The following TESC variants were observed in gnomAD, a reference collection of about 807,000 sequenced individuals.
The protein encoded by TESC is tescalcin, also known as calcineurin B homologous protein 3.
TESC carries 19 observed loss-of-function variants against 31.0 expected under a neutral mutation model. The ratio of observed to expected loss-of-function variants is 0.61; its 90% confidence interval spans 0.43 to 0.90. The LOEUF (loss-of-function observed/expected upper bound fraction) is 0.90, where lower values mean the gene tolerates loss of function less well. TESC is among the 40% of genes least tolerant of loss of function. The pLI, the probability that TESC is intolerant of heterozygous loss-of-function variation, is 0.00. For missense variants in TESC, 248 were observed against 303.8 expected, an observed-to-expected ratio of 0.82 and a Z score of 1.36; for synonymous variants, 109 against 114.8, an observed-to-expected ratio of 0.95 and a Z score of 0.32.
chr12:117,056,765 A>G, intron 3 of TESC, 41 bp downstream of exon 3: 7 of 1,590,926 alleles, frequency 4.4e-6, no homozygotes, highest in Non-Finnish European at 6.0e-6. Context: ...ACACAAGACA[A>G]GGGTGCCTGC....
At chr12:117,053,704 C>T (rs1477039122) in intron 3 of TESC, among the ~76,000 whole-genome samples, 1 of 152,152 alleles carries the variant, frequency 6.6e-6, no homozygotes, top group African/African-American at 2.4e-5. Context: ...TACACACACC[C>T]CCTAAACGTG....
Position 117,046,337 on chromosome 12 carries a change from G to A in TESC, c.519+222C>T. 3 of 568,162 alleles carry A rather than the reference G, an allele frequency of 5.3e-6. 1 individual carries two copies. Among genetic ancestry groups the A allele is most frequent in the Non-Finnish European group, 9.3e-6 (3 of 322,356 alleles). 35.2% of individuals were successfully genotyped at this position (568,162 alleles called of 1,614,324 possible). On this transcript the variant is annotated intron_variant, in intron 6 of 7. Transcript: ENST00000335209. ...GGGGCTCCTGGACCCCAAAGCCTGA[G>A]ATCTCGAACTCTGCTTCCCTGCCTT... is the stretch of plus-strand genomic sequence containing the variant.
intron 1 of TESC, among the ~76,000 whole-genome samples, chr12:117,079,516 C>G (rs944433039): frequency 4.0e-5 from 6 of 151,388 alleles, no homozygotes; most frequent in African/African-American, 1.5e-4. Context: ...GAGCCAAGAT[C>G]GTGCCACTGC....
intron 1 of TESC, among the ~76,000 whole-genome samples, chr12:117,090,448 C>A (rs1235331299): frequency 6.6e-6 from 1 of 152,188 alleles, no homozygotes; most frequent in Non-Finnish European, 1.5e-5. Flanking sequence ...CTGAAGTGTT[C>A]CCAGTTGAAA....
At chr12:117,089,883 C>T (rs1348701497) in intron 1 of TESC, among the ~76,000 whole-genome samples, 1 of 151,924 alleles carries the variant, frequency 6.6e-6, no homozygotes. Flanking sequence ...ATAAACCATT[C>T]CCAGGATAAA....
At chr12:117,060,517 T>A (rs1218461093) in intron 2 of TESC, among the ~76,000 whole-genome samples, 1 of 152,072 alleles carries the variant, frequency 6.6e-6, no homozygotes, top group East Asian at 1.9e-4. Flanking sequence ...GAGCCCTGAA[T>A]GAGTCAGGGT....
Position 117,099,243 on chromosome 12 carries a change from G to T in TESC, c.40C>A (p.Leu14Ile), listed in dbSNP as rs1182443044. The T allele has an allele frequency of 6.8e-7, 1 of 1,477,942 alleles. No individual in the cohort carries two copies. Among genetic ancestry groups the T allele is most frequent in the East Asian group, 3.0e-5 (1 of 33,754 alleles). 91.6% of individuals were successfully genotyped at this position (1,477,942 alleles called of 1,614,324 possible). A position where few individuals can be genotyped will look rare whatever the true frequency, so the allele number is the denominator to read the frequency against. Reference sequence around the variant, plus strand: ...TACTCACAGCCGGTCTTGCCCTCGAGCTCCCGCACCTCCTCAGACGCGGAG... The same window carrying T: ...TACTCACAGCCGGTCTTGCCCTCGATCTCCCGCACCTCCTCAGACGCGGAG... Reference protein sequence around the residue: ...AHSASEEVRELEGKTGFSSDQ... With the variant: ...AHSASEEVREIEGKTGFSSDQ... Residue 14 changes from leucine (L) to isoleucine (I), a missense_variant, in exon 1 of 8, where the codon CTC (leucine) becomes ATC (isoleucine). Transcript: ENST00000335209.
chr12:117,085,352 A>G (rs1044291762), intron 1 of TESC, among the ~76,000 whole-genome samples: 5 of 152,188 alleles, frequency 3.3e-5, no homozygotes, highest in African/African-American at 1.2e-4. Flanking sequence ...AGTGCCCGGC[A>G]ATAGACAGCG....
chr12:117,087,938 G>A (rs142602579), intron 1 of TESC, among the ~76,000 whole-genome samples: 2 of 152,314 alleles, frequency 1.3e-5, no homozygotes, highest in South Asian at 2.1e-4. Flanking sequence ...GTTAGTCCTC[G>A]CTTTTAGGGT....
chr12:117,063,078 G>GT (rs1351208379), intron 2 of TESC, among the ~76,000 whole-genome samples: 1 of 152,200 alleles, frequency 6.6e-6, no homozygotes, highest in Admixed American at 6.5e-5. Context: ...ACATCAAGCT[G>GT]TGCTAAGCAC....
At chr12:117,098,249 G>T (rs1955421376) in intron 1 of TESC, 1 of 152,264 alleles carries the variant, frequency 6.6e-6, no homozygotes, top group South Asian at 2.1e-4. Flanking sequence ...CGTCTACCAG[G>T]TACTAGGAGA....
intron 1 of TESC, among the ~76,000 whole-genome samples, chr12:117,075,949 A>G (rs111377150): frequency 2.2e-4 from 22 of 99,180 alleles, no homozygotes; most frequent in Non-Finnish European, 2.7e-4. Flanking sequence ...ATGTATATAT[A>G]CATATATATA....
chr12:117,075,479 G>A, intron 1 of TESC, 139 bp from the exon 2 acceptor site: 1 of 840,314 alleles, frequency 1.2e-6, no homozygotes, highest in Non-Finnish European at 1.8e-6. Flanking sequence ...CATGGCAAAA[G>A]CGAGTGCCGG....
intron 7 of TESC, among the ~76,000 whole-genome samples, chr12:117,040,608 G>A (rs1232027281): frequency 3.4e-5 from 5 of 144,984 alleles, no homozygotes; most frequent in East Asian, 2.3e-4. Context: ...TCTGGTGACC[G>A]GGTCCCCAGC....
intron 1 of TESC, among the ~76,000 whole-genome samples, chr12:117,078,469 A>G (rs1955102244): frequency 6.6e-6 from 1 of 152,214 alleles, no homozygotes; most frequent in African/African-American, 2.4e-5. Flanking sequence ...CTGCCTCAAA[A>G]AAAAAGCAAA....
intron 4 of TESC, 56 bp from the exon 5 acceptor site, chr12:117,046,894 C>T: frequency 6.6e-7 from 1 of 1,523,032 alleles, no homozygotes; most frequent in Non-Finnish European, 8.9e-7. Flanking sequence ...CCCCTGCCAC[C>T]CCCTGAAATG....
intron 1 of TESC, among the ~76,000 whole-genome samples, chr12:117,090,128 C>T (rs938371427): frequency 4.0e-5 from 6 of 151,620 alleles, no homozygotes; most frequent in African/African-American, 1.5e-4. Flanking sequence ...ACAATATTTC[C>T]AAAGTTTACA....
chr12:117,051,822 G>C (rs552678388), intron 3 of TESC, among the ~76,000 whole-genome samples: 1 of 152,288 alleles, frequency 6.6e-6, no homozygotes, highest in East Asian at 1.9e-4. Context: ...CCGCAGGTCT[G>C]AAGAGACCAA....
At chr12:117,056,711 T>C in intron 3 of TESC, 95 bp downstream of exon 3, 1 of 1,378,618 alleles carries the variant, frequency 7.3e-7, no homozygotes, top group Non-Finnish European at 1.0e-6. Flanking sequence ...CTTCTGGGCA[T>C]CAGCTCAAAG....
Sources: allele counts gnomAD v4.1 joint callset (sites outside exome capture counted in the v4.1 genomes callset), GRCh38; gene constraint gnomAD v4.1.1; transcripts MANE v1.5; gene names NCBI Gene and HGNC (gene_info 2026-07-23, HGNC 2026-07-21).